DLG2: variants seen among roughly 807,000 people sequenced by gnomAD.
The protein encoded by DLG2 is disks large homolog 2.
In DLG2, 45 loss-of-function variants were observed where a neutral mutation model predicts 132.5. The ratio of observed to expected loss-of-function variants is 0.34; its 90% CI spans 0.27 to 0.44. The LOEUF (loss-of-function observed/expected upper bound fraction) is 0.44. Ranked by LOEUF, DLG2 falls within the 20% of genes least tolerant of loss-of-function variation. The pLI, the probability that DLG2 is intolerant of heterozygous loss-of-function variation, is 1.00. For missense variants in DLG2, 1,045 were observed against 1,196.9 expected (o/e 0.87, Z 1.87); for synonymous variants, 424 against 419.6 (o/e 1.01, Z -0.13).
intron 3 of DLG2, among the ~76,000 whole-genome samples, chr11:85,400,699 G>A (rs1426449697): frequency 8.1e-5 from 12 of 148,734 alleles, no homozygotes; most frequent in Middle Eastern, 3.2e-3. Flanking sequence ...ACCAAACACC[G>A]CATGTTCTCA....
intron 7 of DLG2, among the ~76,000 whole-genome samples, chr11:84,291,414 A>AATTTAC (rs1482554941): frequency 6.6e-6 from 1 of 152,196 alleles, no homozygotes; most frequent in Non-Finnish European, 1.5e-5. Context: ...TGAGTAGTAT[A>AATTTAC]ATTTACATTA....
intron 7 of DLG2, among the ~76,000 whole-genome samples, chr11:84,446,859 C>T (rs935619412): frequency 6.6e-6 from 1 of 152,102 alleles, no homozygotes; most frequent in South Asian, 2.1e-4. Context: ...TTTATTGAGT[C>T]CCATACACCC....
At chr11:83,848,776 A>T (rs1000672340) in intron 16 of DLG2, among the ~76,000 whole-genome samples, 3 of 152,134 alleles carry the variant, frequency 2.0e-5, no homozygotes, top group African/African-American at 7.2e-5. Context: ...ATACCTATCA[A>T]TTATGCATAA....
At chr11:85,278,901 A>G (rs2078061217) in intron 4 of DLG2, among the ~76,000 whole-genome samples, 1 of 152,140 alleles carries the variant, frequency 6.6e-6, no homozygotes, top group African/African-American at 2.4e-5. Context: ...CAGCTTCCCC[A>G]TTTCTAATGT....
chr11:84,627,652 A>AT (rs1349210561), intron 6 of DLG2, among the ~76,000 whole-genome samples: 1 of 152,214 alleles, frequency 6.6e-6, no homozygotes, highest in Non-Finnish European at 1.5e-5. Context: ...ATTGCCATAA[A>AT]TACCTGAGAC....
At chr11:84,486,679 C>T (rs973946227) in intron 7 of DLG2, among the ~76,000 whole-genome samples, 3 of 152,094 alleles carry the variant, frequency 2.0e-5, no homozygotes, top group African/African-American at 4.8e-5. Context: ...TATGAATGTT[C>T]TTGGAGTAAT....
chr11:84,592,586 T>A (rs1016399609), intron 6 of DLG2, among the ~76,000 whole-genome samples: 1 of 151,700 alleles, frequency 6.6e-6, no homozygotes, highest in Non-Finnish European at 1.5e-5. Context: ...AGGGCTAATA[T>A]CCAGAATCTA....
At position 84,661,838 on chromosome 11, in the gene DLG2, A is replaced by G. The variant is rs187304262; in HGVS notation, c.358-127107T>C. Among the ~76,000 whole-genome samples, 52 of 152,228 alleles carry G rather than the reference A, an allele frequency of 3.4e-4. No individual in the cohort carries two copies. The East Asian group carries it at 4.1e-3, about 12-fold the overall frequency. ...TGATCATTAAAGATGTTCAATATAA[A>G]TGTTTATATATTGACCACGTAATGC... On this transcript the variant is annotated intron_variant, in intron 6 of 27. Transcript: ENST00000376104.
At chr11:84,970,169 A>T (rs957343057) in intron 6 of DLG2, among the ~76,000 whole-genome samples, 12 of 152,026 alleles carry the variant, frequency 7.9e-5, no homozygotes, top group South Asian at 2.1e-4. Flanking sequence ...AGTATAATTT[A>T]AAAAAAAGGA....
At chr11:84,311,988 AT>A in intron 7 of DLG2, among the ~76,000 whole-genome samples, 1 of 152,188 alleles carries the variant, frequency 6.6e-6, no homozygotes, top group South Asian at 2.1e-4. Context: ...TCACTGATTC[AT>A]TTCTCTTCTC....
At chr11:84,052,522 A>T (rs964432391) in intron 11 of DLG2, among the ~76,000 whole-genome samples, 1 of 151,952 alleles carries the variant, frequency 6.6e-6, no homozygotes, top group Non-Finnish European at 1.5e-5. Context: ...AACCCCATTA[A>T]AAAGTGGGCA....
intron 18 of DLG2, among the ~76,000 whole-genome samples, chr11:83,729,690 T>C (rs2090643134): frequency 6.6e-6 from 1 of 152,200 alleles, no homozygotes; most frequent in African/African-American, 2.4e-5. Context: ...GTCAATTCGG[T>C]GGAATTGATG....
At chr11:84,728,800 C>T (rs960589590) in intron 6 of DLG2, among the ~76,000 whole-genome samples, 6 of 152,148 alleles carry the variant, frequency 3.9e-5, no homozygotes, top group Non-Finnish European at 8.8e-5. Flanking sequence ...GATTCAACTT[C>T]TTCCTGGTTT....
At chr11:83,990,257 C>T (rs1432967047) in intron 11 of DLG2, among the ~76,000 whole-genome samples, 2 of 152,112 alleles carry the variant, frequency 1.3e-5, no homozygotes, top group Non-Finnish European at 2.9e-5. Flanking sequence ...GTTTGGCAAT[C>T]ACTTGACGCA....
At chr11:85,186,128 T>C (rs985417613) in intron 4 of DLG2, among the ~76,000 whole-genome samples, 1 of 151,994 alleles carries the variant, frequency 6.6e-6, no homozygotes, top group Non-Finnish European at 1.5e-5. Flanking sequence ...GTCTTATCTC[T>C]GGTATCTCCT....
In DLG2 at chr11:85,159,163, G is replaced by A. The variant is rs142693960; in HGVS notation, c.187-4512C>T. On this transcript the variant is annotated intron_variant, in intron 4 of 27. Coordinates refer to ENST00000376104, the MANE Select transcript of DLG2 (RefSeq NM_001142699.3). ...TGGACACTGGCTCTGAACTGACATCGATTTCAGGGGACCCAAAAGGTCATT... is the reference window on the plus strand; with the variant it reads ...TGGACACTGGCTCTGAACTGACATCAATTTCAGGGGACCCAAAAGGTCATT... Among the ~76,000 whole-genome samples the A allele has an allele frequency of 2.1e-3, 324 of 152,274 alleles. 2 individuals are homozygous for A. The highest frequency in any genetic ancestry group is 5.2e-3 in the Admixed American group (79 of 15,300).
intron 17 of DLG2, among the ~76,000 whole-genome samples, chr11:83,819,096 T>C (rs117322638): frequency 0.03 from 4,599 of 152,224 alleles, 101 homozygotes; most frequent in Middle Eastern, 0.082. Flanking sequence ...CTCAGGTCTA[T>C]ATGTGCCTGA....
intron 6 of DLG2, among the ~76,000 whole-genome samples, chr11:84,543,473 T>C (rs1469814464): frequency 6.6e-6 from 1 of 152,148 alleles, no homozygotes; most frequent in African/African-American, 2.4e-5. Context: ...TATTTTACAT[T>C]TATTTCTGTG....
intron 6 of DLG2, among the ~76,000 whole-genome samples, chr11:84,942,482 T>C (rs892468795): frequency 6.6e-6 from 1 of 152,230 alleles, no homozygotes; most frequent in Admixed American, 6.5e-5. Flanking sequence ...ACTAGGCACA[T>C]TCAAGAGCAT....
Sources: allele counts gnomAD v4.1 joint callset (sites outside exome capture counted in the v4.1 genomes callset), GRCh38; gene constraint gnomAD v4.1.1; transcripts MANE v1.5; gene names NCBI Gene and HGNC (gene_info 2026-07-23, HGNC 2026-07-21).